The following OTOF variants were observed in gnomAD, a reference collection of about 807,000 sequenced individuals.
The protein encoded by OTOF is otoferlin, also known as fer-1-like family member 2.
OTOF carries 218 observed loss-of-function variants against 236.8 expected under a neutral mutation model. The observed-to-expected ratio is 0.92, with a 90% CI of 0.82 to 1.03. The LOEUF is 1.03. Ranked by LOEUF, OTOF falls within the 50% of genes least tolerant of loss-of-function variation. OTOF has a pLI of 0.00. For synonymous variants in OTOF, 1,041 were observed against 1,072.5 expected, an observed-to-expected ratio of 0.97 and a Z score of 0.57; for missense variants, 2,590 against 2,694.4, an observed-to-expected ratio of 0.96 and a Z score of 0.86.
chr2:26,471,768 A>G (rs772245059), intron 30 of OTOF, among the ~76,000 whole-genome samples: 5 of 152,150 alleles, frequency 3.3e-5, no homozygotes, highest in Non-Finnish European at 5.9e-5. Flanking sequence ...ACGCATGTGC[A>G]CATACGCACA....
intron 33 of OTOF, among the ~76,000 whole-genome samples, chr2:26,467,780 G>C (rs1018630284): frequency 6.6e-6 from 1 of 152,128 alleles, no homozygotes; most frequent in Non-Finnish European, 1.5e-5. Context: ...CTGTTGCTGC[G>C]CAGTTCCTTG....
chr2:26,512,786 A>G (rs2148092927), intron 5 of OTOF, among the ~76,000 whole-genome samples: 1 of 152,286 alleles, frequency 6.6e-6, no homozygotes, highest in South Asian at 2.1e-4. Flanking sequence ...ACATGGAGTC[A>G]GTGAAGAGGA....
At chr2:26,556,169 T>C (rs1667580710) in intron 1 of OTOF, among the ~76,000 whole-genome samples, 1 of 152,208 alleles carries the variant, frequency 6.6e-6, no homozygotes, top group Non-Finnish European at 1.5e-5. Flanking sequence ...GCATTGACTT[T>C]CACTCAAAAG....
In OTOF at chr2:26,461,175, A is replaced by C. The variant is rs1166472113; in HGVS notation, c.5534-145T>G. 16 of 769,836 alleles carry C rather than the reference A, an allele frequency of 2.1e-5. No individual in the cohort carries two copies. The highest frequency in any genetic ancestry group is 3.6e-4 in the Middle Eastern group (1 of 2,790). 47.7% of individuals were successfully genotyped at this position (769,836 alleles called of 1,614,324 possible). ...TCATCCTCCTGCCTCACTCCCAGCA[A>C]CTGGCCTCAATGCAGGCATCCTCGT... On this transcript the variant is annotated intron_variant, in intron 43 of 46. Coordinates refer to ENST00000272371, the MANE Select transcript of OTOF (RefSeq NM_194248.3). This position sits in a 1 kb window ranked among gnomAD's most constrained non-coding sequence, Gnocchi z 6.2.
chr2:26,503,779 T>C lies in OTOF; in HGVS notation c.576A>G (p.Gln192=), dbSNP rs886055880. ...ACGCGGCACCTGTCCTACCTGGTCT[T>C]TGGGGCTCCTCCTTGTGAGACCGGT... ...GKNRSHKEEP[Q]RPDEPAVLEM... Residue 192 remains glutamine (Q), a synonymous_variant, in exon 6 of 47, where the codon CAA becomes CAG. Coordinates refer to ENST00000272371, the MANE Select transcript of OTOF (RefSeq NM_194248.3). 11 of 1,613,720 alleles carry C rather than the reference T, an allele frequency of 6.8e-6. No homozygotes were observed. The African/African-American group carries it at 8.0e-5, about 12-fold the overall frequency.
chr2:26,536,481 C>T (rs753255854), intron 2 of OTOF, among the ~76,000 whole-genome samples: 1 of 152,064 alleles, frequency 6.6e-6, no homozygotes, highest in Non-Finnish European at 1.5e-5. Flanking sequence ...TGGTGCTGGG[C>T]CGCGATGGTT....
intron 13 of OTOF, among the ~76,000 whole-genome samples, chr2:26,483,087 G>A (rs1404767850): frequency 6.6e-6 from 1 of 151,134 alleles, no homozygotes; most frequent in African/African-American, 2.4e-5. Flanking sequence ...GTGAATGGGT[G>A]CATGTGTGTG....
intron 1 of OTOF, among the ~76,000 whole-genome samples, chr2:26,553,741 G>A (rs1667518688): frequency 6.6e-6 from 1 of 152,176 alleles, no homozygotes; most frequent in Non-Finnish European, 1.5e-5. Flanking sequence ...CTGAGCTCCG[G>A]GGGCCAACTC....
intron 9 of OTOF, among the ~76,000 whole-genome samples, chr2:26,492,163 T>C (rs1354381989): frequency 6.6e-6 from 1 of 152,130 alleles, no homozygotes; most frequent in Non-Finnish European, 1.5e-5. Flanking sequence ...TAAGATAGTT[T>C]AGAATGGTGG....
chr2:26,533,035 C>T (rs1666986838), intron 2 of OTOF, among the ~76,000 whole-genome samples: 1 of 152,174 alleles, frequency 6.6e-6, no homozygotes, highest in Non-Finnish European at 1.5e-5. Context: ...GGAGCAGAGC[C>T]ACACAGCAAG....
Position 26,466,824 on chromosome 2 carries a change from G to C in OTOF, c.4390C>G (p.Leu1464Val). ...KGSLCVYKVP[L>V]PEDVSREAGY... ...GCTTCCCGGGACACGTCCTCTGGGA[G>C]TGGCACTTTGTACACGCAGAGGGAG... The change falls in exon 36 of 47, where the codon CTC (leucine) becomes GTC (valine). Residue 1464 changes from leucine (L) to valine (V), a missense_variant. Physicochemically the swap from Leu to Val is conservative, Grantham distance 32. Around this residue, in one of 2 missense-constraint regions of OTOF, gnomAD observed 1,211 missense variants for 1,352.8 expected, o/e 0.90. Transcript: ENST00000272371. 1.2e-6 allele frequency: 2 copies of C among 1,614,248 alleles called. No homozygotes were observed. The highest frequency in any genetic ancestry group is 1.7e-6 in the Non-Finnish European group (2 of 1,180,046).
Position 26,473,003 on chromosome 2 carries a change from C to A in OTOF, c.3733+129G>T, listed in dbSNP as rs1665068193. On this transcript the variant is annotated intron_variant, in intron 29 of 46. Coordinates refer to ENST00000272371, the MANE Select transcript of OTOF (RefSeq NM_194248.3). This position sits in a 1 kb window ranked among gnomAD's most constrained non-coding sequence, Gnocchi z 7.2. ...AGCCTTCCTTGGCCACCAGGGTGAC[C>A]TTCTTCTATGCCCACCCCCTCGGCC... 2 of 1,042,640 alleles carry A rather than the reference C, an allele frequency of 1.9e-6. No individual in the cohort carries two copies. Among genetic ancestry groups the A allele is most frequent in the Admixed American group, 4.6e-5 (2 of 43,368 alleles). 64.6% of individuals were successfully genotyped at this position (1,042,640 alleles called of 1,614,324 possible).
chr2:26,540,923 C>CG (rs762328515), intron 1 of OTOF, among the ~76,000 whole-genome samples: 15 of 152,162 alleles, frequency 9.9e-5, no homozygotes, highest in Non-Finnish European at 1.9e-4. Context: ...AACAAGCCCC[C>CG]GGGCAATCAA....
chr2:26,493,929 C>T (rs1055867279), intron 9 of OTOF, among the ~76,000 whole-genome samples: 1 of 152,174 alleles, frequency 6.6e-6, no homozygotes, highest in Non-Finnish European at 1.5e-5. Context: ...CTTGCAAGAC[C>T]GTTATTAAAA....
In OTOF at chr2:26,468,897, T is replaced by TGTG. The variant is rs542020821; in HGVS notation, c.4024-426_4024-424dup. ...GAGGGGAACATCACACACCGGGGCC[T>TGTG]GTGGTGGTGCTGGGGGAGAGGGGAG... On this transcript the variant is annotated intron_variant, in intron 32 of 46. Coordinates refer to ENST00000272371, the MANE Select transcript of OTOF (RefSeq NM_194248.3). 3.0e-3 allele frequency among the ~76,000 whole-genome samples: 450 copies of TGTG among 152,120 alleles called. 1 individual carries two copies. Among genetic ancestry groups the TGTG allele is most frequent in the Non-Finnish European group, 4.0e-3 (272 of 68,000 alleles).
chr2:26,551,677 A>G (rs1487489668), intron 1 of OTOF, among the ~76,000 whole-genome samples: 1 of 152,214 alleles, frequency 6.6e-6, no homozygotes, highest in Non-Finnish European at 1.5e-5. Flanking sequence ...CTGCCCTTCA[A>G]CAGAACGAGT....
chr2:26,511,762 C>T (rs1406257801), intron 5 of OTOF, among the ~76,000 whole-genome samples: 2 of 152,244 alleles, frequency 1.3e-5, no homozygotes, highest in Admixed American at 6.5e-5. Context: ...AATCCCAGTG[C>T]GCCCGGCTGC....
At chr2:26,494,072 G>A (rs966062183) in intron 9 of OTOF, among the ~76,000 whole-genome samples, 2 of 152,228 alleles carry the variant, frequency 1.3e-5, no homozygotes, top group Non-Finnish European at 2.9e-5. Context: ...GGGAACCAAG[G>A]TGCCATATTT....
chr2:26,503,151 G>A (rs188570487), intron 6 of OTOF, among the ~76,000 whole-genome samples: 1,643 of 152,320 alleles, frequency 0.011, 26 homozygotes, highest in African/African-American at 0.038. Flanking sequence ...CGGGAGCCCC[G>A]ATGGTGGGCC....
Sources: allele counts gnomAD v4.1 joint callset (sites outside exome capture counted in the v4.1 genomes callset), GRCh38; gene constraint gnomAD v4.1.1; regional missense constraint gnomAD v4.1.1; non-coding constraint Gnocchi (gnomAD v3.1); transcripts MANE v1.5; gene names NCBI Gene and HGNC (gene_info 2026-07-23, HGNC 2026-07-21).